The following ERC1 variants were observed in gnomAD, a reference collection of about 807,000 sequenced individuals.
ERC1 encodes the protein ELKS/RAB6-interacting/CAST family member 1.
Under a neutral mutation model 132.0 loss-of-function variants are expected in ERC1, and 56 were observed. The observed-to-expected ratio is 0.42, with a 90% CI of 0.34 to 0.53. The LOEUF is 0.53. ERC1 is among the 20% of genes least tolerant of loss of function. ERC1 has a pLI of 0.03. For missense variants in ERC1, 1,202 were observed against 1,349.9 expected (o/e 0.89, Z 1.72); for synonymous variants, 478 against 476.1 (o/e 1.00, Z -0.05).
intron 5 of ERC1, among the ~76,000 whole-genome samples, chr12:1,111,640 T>G (rs570599931): frequency 6.6e-6 from 1 of 151,066 alleles, no homozygotes; most frequent in African/African-American, 2.4e-5. Flanking sequence ...TTTTTTTGAG[T>G]CGGAGGTATG....
At chr12:1,044,056 ATGTT>A (rs1970707306) in intron 2 of ERC1, among the ~76,000 whole-genome samples, 1 of 152,170 alleles carries the variant, frequency 6.6e-6, no homozygotes, top group Non-Finnish European at 1.5e-5. Context: ...TATTTACAAA[ATGTT>A]TGTTATAAAA....
At chr12:1,154,292 C>T (rs983556298) in intron 8 of ERC1, among the ~76,000 whole-genome samples, 6 of 142,962 alleles carry the variant, frequency 4.2e-5, no homozygotes, top group African/African-American at 1.3e-4. Context: ...TATATATACA[C>T]ACACACGTGC....
chr12:1,432,984 C>T (rs1183446558), intron 17 of ERC1, among the ~76,000 whole-genome samples: 1 of 152,228 alleles, frequency 6.6e-6, no homozygotes, highest in Non-Finnish European at 1.5e-5. Flanking sequence ...ATCCTCCTGG[C>T]TGTGCGGTGT....
At position 1,148,790 on chromosome 12, in the gene ERC1, C is replaced by T. The variant is rs377376932; in HGVS notation, c.1737+7003C>T. 9.4e-4 allele frequency among the ~76,000 whole-genome samples: 143 copies of T among 152,122 alleles called. 1 individual carries two copies. The highest frequency in any genetic ancestry group is 3.9e-3 in the East Asian group (20 of 5,176). ...CTAATTTTTGTATTTTTAGTAGAGA[C>T]GGGATTTCGCCATGTTGGTCAGGCT... On this transcript the variant is annotated intron_variant, in intron 8 of 18. Transcript: ENST00000360905.
At chr12:1,178,367 C>T (rs959242682) in intron 8 of ERC1, among the ~76,000 whole-genome samples, 1 of 152,048 alleles carries the variant, frequency 6.6e-6, no homozygotes, top group African/African-American at 2.4e-5. Flanking sequence ...TTACTATGAT[C>T]TGAGATGTAC....
chr12:1,054,424 C>T (rs1289673506), intron 2 of ERC1, among the ~76,000 whole-genome samples: 1 of 151,936 alleles, frequency 6.6e-6, no homozygotes. Context: ...TAGGATTCTT[C>T]CCTACCGCAC....
At chr12:1,415,699 G>T (rs944282972) in intron 17 of ERC1, among the ~76,000 whole-genome samples, 2 of 152,132 alleles carry the variant, frequency 1.3e-5, no homozygotes, top group Admixed American at 6.5e-5. Flanking sequence ...GGAGAAAATG[G>T]TCCAAAAACC....
intron 16 of ERC1, among the ~76,000 whole-genome samples, chr12:1,392,530 C>G (rs915877642): frequency 2.6e-5 from 4 of 152,110 alleles, no homozygotes; most frequent in Non-Finnish European, 5.9e-5. Flanking sequence ...TTTGGAAAAC[C>G]ATACCTCTGG....
At chr12:1,482,371 A>G (rs1396823063) in intron 18 of ERC1, among the ~76,000 whole-genome samples, 2 of 146,194 alleles carry the variant, frequency 1.4e-5, no homozygotes, top group African/African-American at 5.1e-5. Flanking sequence ...TTTTATCTCT[A>G]CCTATTTGTG....
Position 1,307,046 on chromosome 12 carries a change from C to T in ERC1, c.2780+17034C>T, listed in dbSNP as rs146856015. ...GAGGCCCTAGAGACTGTTTATGACA[C>T]GTCAGTGTTCATTTGTGTCTCATCT... On this transcript the variant is annotated intron_variant, in intron 15 of 18. Transcript: ENST00000360905. Among the ~76,000 whole-genome samples the T allele has an allele frequency of 3.3e-5, 5 of 152,248 alleles. No homozygotes were observed. In the East Asian group the frequency reaches 5.8e-4, roughly 18 times the overall value.
chr12:1,390,672 A>G (rs1481658836), intron 16 of ERC1: 2 of 152,200 alleles, frequency 1.3e-5, no homozygotes, highest in Non-Finnish European at 2.9e-5. Flanking sequence ...ACCAAAATAA[A>G]ACTGTGGTCA....
Position 1,143,329 on chromosome 12 carries a change from C to CGTGTGTGTGT in ERC1, c.1737+1585_1737+1594dup, listed in dbSNP as rs4017792. On this transcript the variant is annotated intron_variant, in intron 8 of 18. Coordinates refer to ENST00000360905, the MANE Select transcript of ERC1 (RefSeq NM_178040.4). ...TCCTAGCTCTGTTTGGCTTTTGACT[C>CGTGTGTGTGT]GTGTGTGTGTGTGTGTGTGTGTGTG... Among the ~76,000 whole-genome samples the CGTGTGTGTGT allele has an allele frequency of 9.1e-3, 1,177 of 128,952 alleles. 24 individuals are homozygous for CGTGTGTGTGT. The highest frequency in any genetic ancestry group is 0.063 in the East Asian group (241 of 3,838). 84.6% of individuals were successfully genotyped at this position (128,952 alleles called of 152,430 possible).
In ERC1 at chr12:1,424,840, TAGATGATAGATAGATAGATAGATCGATA is replaced by T. The variant is rs1296114402; in HGVS notation, c.3024+16594_3024+16621del. On this transcript the variant is annotated intron_variant, in intron 17 of 18. Transcript: ENST00000360905. ...ATAGATAGATAGATAGATAGATAGA[TAGATGATAGATAGATAGATAGATCGATA>T]GATAGATAGATAGATAGATAGATAG... Among the ~76,000 whole-genome samples the T allele has an allele frequency of 5.1e-3, 592 of 115,494 alleles. 2 individuals carry two copies. Among genetic ancestry groups the T allele is most frequent in the African/African-American group, 0.013 (339 of 26,474 alleles). 75.8% of individuals were successfully genotyped at this position (115,494 alleles called of 152,430 possible).
At chr12:1,118,366 A>G (rs1396225248) in intron 7 of ERC1, among the ~76,000 whole-genome samples, 1 of 152,188 alleles carries the variant, frequency 6.6e-6, no homozygotes, top group African/African-American at 2.4e-5. Context: ...ACCCCCCTCA[A>G]ATAATATTCT....
At chr12:1,048,775 TTGAA>T (rs1219829602) in intron 2 of ERC1, among the ~76,000 whole-genome samples, 2 of 152,330 alleles carry the variant, frequency 1.3e-5, no homozygotes, top group Admixed American at 1.3e-4. Flanking sequence ...GTGCAAGACA[TTGAA>T]TGAGTAGCTC....
chr12:1,040,373 G>T (rs1969991449), intron 2 of ERC1, among the ~76,000 whole-genome samples: 1 of 146,490 alleles, frequency 6.8e-6, no homozygotes, highest in African/African-American at 2.5e-5. Flanking sequence ...CCAGGCTGGA[G>T]TGCAGTGGCG....
intron 15 of ERC1, among the ~76,000 whole-genome samples, chr12:1,314,749 G>A (rs76638148): frequency 0.026 from 3,885 of 152,000 alleles, 74 homozygotes; most frequent in South Asian, 0.08. Flanking sequence ...ATATGTTTTC[G>A]TTTTACCTTA....
At position 1,028,525 on chromosome 12, in the gene ERC1, A is replaced by G. The variant is rs1967299691; in HGVS notation, c.622A>G (p.Ile208Val). The change falls in exon 2 of 19, where the codon ATC becomes GTC. Residue 208 changes from isoleucine (I) to valine (V), a missense_variant. Ile to Val is a conservative substitution (Grantham distance 29). Coordinates refer to ENST00000360905, the MANE Select transcript of ERC1 (RefSeq NM_178040.4). ...CCTGAGAAAAGATGAAGCTTCCAAA[A>G]TCACCATTTGGAAGGAACAGTACAG... is the stretch of plus-strand genomic sequence containing the variant. ...RALRKDEASK[I>V]TIWKEQYRVV... is the part of the protein sequence containing the mutation. 1.2e-6 allele frequency: 2 copies of G among 1,614,088 alleles called. No individual in the cohort carries two copies. Among genetic ancestry groups the G allele is most frequent in the Non-Finnish European group, 1.7e-6 (2 of 1,180,028 alleles).
intron 7 of ERC1, among the ~76,000 whole-genome samples, chr12:1,118,330 C>T (rs987103778): frequency 6.6e-6 from 1 of 152,138 alleles, no homozygotes; most frequent in African/African-American, 2.4e-5. Context: ...GACTTTTCCC[C>T]CTTGGCAATC....
Sources: allele counts gnomAD v4.1 joint callset (sites outside exome capture counted in the v4.1 genomes callset), GRCh38; gene constraint gnomAD v4.1.1; transcripts MANE v1.5; gene names NCBI Gene and HGNC (gene_info 2026-07-23, HGNC 2026-07-21).